HUWE1: variants seen among roughly 807,000 people sequenced by gnomAD.
The protein encoded by HUWE1 is HECT, UBA and WWE domain containing E3 ubiquitin protein ligase 1.
In HUWE1, 18 loss-of-function variants were observed where a neutral mutation model predicts 299.4. The observed-to-expected ratio is 0.06, with a 90% CI of 0.04 to 0.09. HUWE1 has a LOEUF of 0.09. Ranked by LOEUF, HUWE1 falls within the 10% of genes least tolerant of loss-of-function variation. HUWE1 has a pLI of 1.00. For synonymous variants in HUWE1, 1,317 were observed against 1,286.1 expected, an observed-to-expected ratio of 1.02 and a Z score of -0.51; for missense variants, 1,832 against 3,462.3, an observed-to-expected ratio of 0.53 and a Z score of 11.82.
At chrX:53,602,159 A>G (rs904235626) in intron 28 of HUWE1, among the ~76,000 whole-genome samples, 1 of 112,002 alleles carries the variant, frequency 8.9e-6, no homozygotes, top group Non-Finnish European at 1.9e-5. Flanking sequence ...AAAAGTAGAT[A>G]CAAAAATGTT....
chrX:53,664,543 TGCACGTAA>T (rs1316490412), intron 3 of HUWE1, among the ~76,000 whole-genome samples: 1 of 111,947 alleles, frequency 8.9e-6, no homozygotes, highest in African/African-American at 3.3e-5. Context: ...TAAGAGATGT[TGCACGTAA>T]GTACGGGAGT....
At chrX:53,546,078 T>TA (rs1170879469) in intron 70 of HUWE1, among the ~76,000 whole-genome samples, 1 of 111,431 alleles carries the variant, frequency 9.0e-6, no homozygotes, top group Admixed American at 9.5e-5. Flanking sequence ...TGTAGGGACA[T>TA]ACTTTGAAGG....
intron 22 of HUWE1, among the ~76,000 whole-genome samples, chrX:53,615,282 C>G (rs1451809240): frequency 4.6e-5 from 5 of 108,581 alleles, no homozygotes; most frequent in Non-Finnish European, 7.6e-5. Flanking sequence ...CAGAGTCTTG[C>G]AGTGGCATGA....
chrX:53,646,665 G>C (rs1241144790), intron 6 of HUWE1, among the ~76,000 whole-genome samples: 2 of 111,398 alleles, frequency 1.8e-5, no homozygotes, highest in Non-Finnish European at 3.8e-5. Context: ...CTGTATGTTA[G>C]GCCTTTAGTT....
intron 4 of HUWE1, among the ~76,000 whole-genome samples, chrX:53,653,075 G>A (rs1193351728): frequency 1.8e-5 from 2 of 112,019 alleles, no homozygotes; most frequent in African/African-American, 6.5e-5. Flanking sequence ...TGAGCTGGGA[G>A]GTCAAGGCTG....
In HUWE1 at chrX:53,589,803, C is replaced by A; in HGVS notation, c.4205G>T (p.Arg1402Leu). The change falls in exon 36 of 84, where the codon CGG (arginine) becomes CTG (leucine). Residue 1402 changes from arginine (R) to leucine (L), a missense_variant. Arg to Leu is a moderately radical substitution (Grantham distance 102, BLOSUM62 -2). Coordinates refer to ENST00000262854, the MANE Select transcript of HUWE1 (RefSeq NM_031407.7). Reference protein sequence around the residue: ...RAESPEEVACRKEEEERKARE... With the variant: ...RAESPEEVACLKEEEERKARE... ...AGCTTTCCGTTCCTCTTCCTCCTTC[C>A]GGCAAGCAACTTCCTGGAAGCAGGG... 8.3e-7 allele frequency: 1 copy of A among 1,207,864 alleles called. No homozygotes were observed. Among genetic ancestry groups the A allele is most frequent in the Non-Finnish European group, 1.1e-6 (1 of 893,293 alleles).
intron 61 of HUWE1, 103 bp downstream of exon 61, chrX:53,554,530 G>T: frequency 2.4e-6 from 2 of 837,592 alleles, no homozygotes; most frequent in Non-Finnish European, 3.5e-6. Context: ...TTGAGAAGTT[G>T]AACTCCTACT....
At chrX:53,619,047 C>A (rs2065967718) in intron 19 of HUWE1, among the ~76,000 whole-genome samples, 1 of 111,355 alleles carries the variant, frequency 9.0e-6, no homozygotes, top group Non-Finnish European at 1.9e-5. Flanking sequence ...ACCCATAAAC[C>A]ATGTATACAG....
chrX:53,536,699 G>A lies in HUWE1; in HGVS notation c.12138-32C>T, dbSNP rs1013337015. 14 of 1,168,327 alleles carry A rather than the reference G, an allele frequency of 1.2e-5. No individual in the cohort carries two copies. The Admixed American group carries it at 2.7e-4, about 22-fold the overall frequency. On this transcript the variant is annotated intron_variant, in intron 78 of 83. Coordinates refer to ENST00000262854, the MANE Select transcript of HUWE1 (RefSeq NM_031407.7). ...AAGAAAGCAGAAGCAGAAAAGAGCTGTGCAGAAAACCCAGGATACATCCAG... is the reference window on the plus strand; with the variant it reads ...AAGAAAGCAGAAGCAGAAAAGAGCTATGCAGAAAACCCAGGATACATCCAG...
chrX:53,683,108 G>A (rs1416404503), intron 2 of HUWE1, among the ~76,000 whole-genome samples: 2 of 111,300 alleles, frequency 1.8e-5, no homozygotes, highest in Non-Finnish European at 3.8e-5. Flanking sequence ...TGCGCCAAGG[G>A]GACCAATGGA....
intron 19 of HUWE1, among the ~76,000 whole-genome samples, chrX:53,623,463 A>AC (rs1557014172): frequency 8.9e-6 from 1 of 112,301 alleles, no homozygotes; most frequent in African/African-American, 3.2e-5. Context: ...GAGTTGCTAC[A>AC]CCACAAGAAG....
chrX:53,603,354 A>C lies in HUWE1; in HGVS notation c.2876+14T>G. ...TAGATAACAAAGTAATAAGAGAGAGAGCCATTCTCTTACCTGTTTGGGGTA... is the reference window on the plus strand; with the variant it reads ...TAGATAACAAAGTAATAAGAGAGAGCGCCATTCTCTTACCTGTTTGGGGTA... On this transcript the variant is annotated intron_variant, in intron 27 of 83. Transcript: ENST00000262854. The C allele has an allele frequency of 8.3e-7, 1 of 1,205,272 alleles. No homozygotes were observed. Among genetic ancestry groups the C allele is most frequent in the Non-Finnish European group, 1.1e-6 (1 of 890,457 alleles).
intron 3 of HUWE1, among the ~76,000 whole-genome samples, chrX:53,662,364 G>A (rs781809685): frequency 9.0e-6 from 1 of 111,317 alleles, no homozygotes; most frequent in South Asian, 3.8e-4. Flanking sequence ...TTTAGTTCTT[G>A]GAACACTCTA....
At chrX:53,539,622 T>C (rs1569407779) in intron 75 of HUWE1, 35 bp downstream of exon 75, 1 of 1,204,693 alleles carries the variant, frequency 8.3e-7, no homozygotes, top group South Asian at 1.8e-5. Flanking sequence ...AGCAGACCAC[T>C]GGGTTGGGAC....
chrX:53,589,461 T>C, intron 36 of HUWE1, 86 bp downstream of exon 36: 1 of 901,756 alleles, frequency 1.1e-6, no homozygotes, highest in South Asian at 2.0e-5. Context: ...AGAATGAAAA[T>C]ATGCTGATTT....
intron 39 of HUWE1, among the ~76,000 whole-genome samples, chrX:53,585,594 T>C (rs978924597): frequency 5.3e-5 from 6 of 112,369 alleles, no homozygotes; most frequent in Admixed American, 2.8e-4. Flanking sequence ...CCTTCTGCAA[T>C]AGAAGGATGC....
Position 53,542,173 on chromosome X carries a change from C to T in HUWE1, c.11476+270G>A, listed in dbSNP as rs1027875521. ...ATTCCAGCCTGGCGACAGAGGGAGA[C>T]TGTCTCAAAAACAACCACCACAACA... On this transcript the variant is annotated intron_variant, in intron 74 of 83. Coordinates refer to ENST00000262854, the MANE Select transcript of HUWE1 (RefSeq NM_031407.7). Among the ~76,000 whole-genome samples the T allele has an allele frequency of 2.7e-5, 3 of 111,707 alleles. No homozygotes were observed. In the Admixed American group the frequency reaches 2.8e-4, roughly 11 times the overall value.
At chrX:53,654,849 T>G (rs1167792288) in intron 3 of HUWE1, among the ~76,000 whole-genome samples, 1 of 112,283 alleles carries the variant, frequency 8.9e-6, no homozygotes, top group African/African-American at 3.2e-5. Flanking sequence ...GTATGACTGT[T>G]TTACCTATGC....
intron 42 of HUWE1, among the ~76,000 whole-genome samples, chrX:53,583,056 T>C (rs1556969450): frequency 8.9e-6 from 1 of 112,368 alleles, no homozygotes; most frequent in African/African-American, 3.2e-5. Flanking sequence ...TCCTAAAATA[T>C]AATAACCTGT....
Sources: gnomAD v4.1 joint callset for allele counts (sites outside exome capture counted in the v4.1 genomes callset) on GRCh38, gnomAD v4.1.1 for gene constraint, MANE v1.5 for transcripts, NCBI Gene and HGNC (gene_info 2026-07-23, HGNC 2026-07-21) for gene names.